Variants in ACTG2 observed in about 807,000 individuals in gnomAD.
The protein encoded by ACTG2 is actin, gamma-enteric smooth muscle.
Under a neutral mutation model 37.6 loss-of-function variants are expected in ACTG2, and 16 were observed. The ratio of observed to expected loss-of-function variants is 0.43; its 90% CI spans 0.29 to 0.65. The LOEUF (loss-of-function observed/expected upper bound fraction) is 0.65. Among genes scored for constraint, ACTG2 ranks in the 30% least tolerant of loss-of-function variants. The pLI is 0.18. For synonymous variants in ACTG2, 181 were observed against 179.9 expected, an observed-to-expected ratio of 1.01 and a Z score of -0.05; for missense variants, 238 against 490.9, an observed-to-expected ratio of 0.48 and a Z score of 4.87.
intron 3 of ACTG2, among the ~76,000 whole-genome samples, chr2:73,903,466 A>G (rs555607328): frequency 6.6e-6 from 1 of 152,346 alleles, no homozygotes; most frequent in East Asian, 1.9e-4. Context: ...TCCAGGTGCA[A>G]ATCCCACCCT....
chr2:73,915,580 G>A (rs1680249010), intron 7 of ACTG2, among the ~76,000 whole-genome samples: 1 of 151,488 alleles, frequency 6.6e-6, no homozygotes, highest in Non-Finnish European at 1.5e-5. Context: ...GAGCCAGTTT[G>A]GCGTGCAGGA....
At chr2:73,907,710 A>T (rs1680043851) in intron 3 of ACTG2, among the ~76,000 whole-genome samples, 2 of 152,068 alleles carry the variant, frequency 1.3e-5, no homozygotes, top group African/African-American at 4.8e-5. Flanking sequence ...GGTGGTTCTT[A>T]ACCAGGATGA....
At chr2:73,899,001 G>A (rs980729371) in intron 1 of ACTG2, among the ~76,000 whole-genome samples, 10 of 151,494 alleles carry the variant, frequency 6.6e-5, no homozygotes, top group Admixed American at 6.6e-5. Context: ...TAGTAGAGAC[G>A]GGGTTTCACC....
At chr2:73,907,141 C>A (rs1280187301) in intron 3 of ACTG2, among the ~76,000 whole-genome samples, 1 of 152,174 alleles carries the variant, frequency 6.6e-6, no homozygotes, top group Non-Finnish European at 1.5e-5. Context: ...TTACTCCTAC[C>A]TCTTCTTTCA....
intron 1 of ACTG2, among the ~76,000 whole-genome samples, chr2:73,899,120 TCA>T (rs1183757353): frequency 6.6e-6 from 1 of 152,082 alleles, no homozygotes; most frequent in Non-Finnish European, 1.5e-5. Context: ...ACAAGAACTT[TCA>T]CAGTTTGGTG....
At chr2:73,909,308 C>G (rs1214094941) in intron 5 of ACTG2, among the ~76,000 whole-genome samples, 169 bp downstream of exon 5, 1 of 152,138 alleles carries the variant, frequency 6.6e-6, no homozygotes, top group East Asian at 1.9e-4. Context: ...CAGATGTGAG[C>G]CTAGCTGGTA....
intron 5 of ACTG2, among the ~76,000 whole-genome samples, chr2:73,912,810 C>G (rs776650340): frequency 4.0e-4 from 61 of 152,108 alleles, no homozygotes; most frequent in Non-Finnish European, 7.5e-4. Flanking sequence ...ACATCCTGGA[C>G]AATATTAAAA....
chr2:73,908,860 A>G (rs1289953524), intron 4 of ACTG2, 77 bp downstream of exon 4: 2 of 1,362,796 alleles, frequency 1.5e-6, no homozygotes, highest in South Asian at 1.2e-5. Flanking sequence ...CTCCCCTTCA[A>G]ACATCAGTGC....
At chr2:73,917,307 G>A (rs1257139403) in intron 8 of ACTG2, among the ~76,000 whole-genome samples, 3 of 152,212 alleles carry the variant, frequency 2.0e-5, no homozygotes, top group African/African-American at 7.2e-5. Context: ...TTATTGCTCC[G>A]AAGGAGGGTA....
intron 6 of ACTG2, among the ~76,000 whole-genome samples, chr2:73,914,361 C>G (rs1273832130): frequency 6.6e-6 from 1 of 152,094 alleles, no homozygotes; most frequent in Non-Finnish European, 1.5e-5. Flanking sequence ...GAGTTCTAGA[C>G]CAGCCTGGCC....
chr2:73,919,667 G>C lies in ACTG2; in HGVS notation c.*92G>C. ...CTACAAGCCTTACTTCTCTGTGTGG[G>C]GCTCTTTTTTCCTGGGCTATGTCTC... On this transcript the variant is annotated 3_prime_UTR_variant, in exon 9 of 9. Transcript: ENST00000345517. The C allele has an allele frequency of 6.9e-7, 1 of 1,444,616 alleles. No individual in the cohort carries two copies. Among genetic ancestry groups the C allele is most frequent in the Non-Finnish European group, 9.3e-7 (1 of 1,069,810 alleles). 89.5% of individuals were successfully genotyped at this position (1,444,616 alleles called of 1,614,324 possible). A position where few individuals can be genotyped will look rare whatever the true frequency, so the allele number is the denominator to read the frequency against.
At chr2:73,915,084 A>G (rs1680229398) in intron 7 of ACTG2, among the ~76,000 whole-genome samples, 1 of 152,200 alleles carries the variant, frequency 6.6e-6, no homozygotes, top group Non-Finnish European at 1.5e-5. Context: ...AGATACAGGA[A>G]AAGCAGAACA....
intron 1 of ACTG2, among the ~76,000 whole-genome samples, chr2:73,895,316 C>A (rs927266232): frequency 7.9e-5 from 12 of 152,030 alleles, no homozygotes; most frequent in Non-Finnish European, 7.4e-5. Flanking sequence ...AGATAAGGCA[C>A]CCACGACAGA....
At chr2:73,914,613 G>C in intron 6 of ACTG2, 67 bp from the exon 7 acceptor site, 6 of 1,224,296 alleles carry the variant, frequency 4.9e-6, no homozygotes, top group Non-Finnish European at 6.6e-6. Flanking sequence ...TTTTCATGGA[G>C]ATCAAAATGG....
At chr2:73,902,214 C>T in intron 2 of ACTG2, 146 bp from the exon 3 acceptor site, 1 of 904,850 alleles carries the variant, frequency 1.1e-6, no homozygotes, top group Non-Finnish European at 1.7e-6. Context: ...GGCATCTGCT[C>T]CATCCTGTCT....
chr2:73,905,379 TA>T lies in ACTG2; in HGVS notation c.255+2895del, dbSNP rs1679995776. ...TTAATATCTCAAAAATAACCAAATT[TA>T]AAAGCCAAATAACAAATTGCAAAAC... On this transcript the variant is annotated intron_variant, in intron 3 of 8. Coordinates refer to ENST00000345517, the MANE Select transcript of ACTG2 (RefSeq NM_001615.4). 1.3e-5 allele frequency among the ~76,000 whole-genome samples: 2 copies of T among 152,088 alleles called. 1 individual carries two copies. The highest frequency in any genetic ancestry group is 4.1e-4 in the South Asian group (2 of 4,826).
intron 6 of ACTG2, 118 bp from the exon 7 acceptor site, chr2:73,914,556 CTCAAAA>C (rs2104822247): frequency 4.8e-6 from 3 of 631,104 alleles, no homozygotes; most frequent in South Asian, 7.2e-5. Context: ...GAGACTCTGT[CTCAAAA>C]AAAAAAAAAA....
chr2:73,915,600 C>G (rs1680250017), intron 7 of ACTG2, among the ~76,000 whole-genome samples: 1 of 151,686 alleles, frequency 6.6e-6, no homozygotes, highest in Non-Finnish European at 1.5e-5. Flanking sequence ...ACCTTTTGCT[C>G]TAGAAGACTG....
intron 1 of ACTG2, chr2:73,897,181 TG>T (rs1421168593): frequency 6.6e-6 from 1 of 152,284 alleles, no homozygotes; most frequent in African/African-American, 2.4e-5. Context: ...AGTCGCCTTG[TG>T]GCTTCTCTGA....
Sources: allele counts gnomAD v4.1 joint callset (sites outside exome capture counted in the v4.1 genomes callset), GRCh38; gene constraint gnomAD v4.1.1; transcripts MANE v1.5; gene names NCBI Gene and HGNC (gene_info 2026-07-23, HGNC 2026-07-21).